The following NPAS3 variants were observed in gnomAD, a reference collection of about 807,000 sequenced individuals.
The protein encoded by NPAS3 is neuronal PAS domain protein 3, also known as neuronal PAS domain-containing protein 3.
In NPAS3, 14 loss-of-function variants were observed where a neutral mutation model predicts 73.1. That is an observed-to-expected ratio of 0.19 (90% CI 0.13 to 0.30). The LOEUF (loss-of-function observed/expected upper bound fraction) is 0.30, where lower values mean the gene tolerates loss of function less well. Ranked by LOEUF, NPAS3 falls within the 10% of genes least tolerant of loss-of-function variation. The pLI, the probability that NPAS3 is intolerant of heterozygous loss-of-function variation, is 1.00. For missense variants in NPAS3, 1,096 were observed against 1,250.0 expected, an observed-to-expected ratio of 0.88 and a Z score of 1.86; for synonymous variants, 620 against 541.5, an observed-to-expected ratio of 1.14 and a Z score of -2.01.
At chr14:33,087,150 A>G (rs1406743030) in intron 2 of NPAS3, among the ~76,000 whole-genome samples, 5 of 101,902 alleles carry the variant, frequency 4.9e-5, no homozygotes, top group Non-Finnish European at 9.4e-5. Context: ...ATAATATAGT[A>G]TACAATATAA....
Position 33,421,992 on chromosome 14 carries a change from C to A in NPAS3, c.468+54724C>A, listed in dbSNP as rs183437535. Among the ~76,000 whole-genome samples the A allele has an allele frequency of 2.4e-3, 358 of 151,928 alleles. 2 individuals carry two copies. Among genetic ancestry groups the A allele is most frequent in the Middle Eastern group, 6.8e-3 (2 of 294 alleles). ...AAATAGGGATGGGTTTTGTAGTTGG[C>A]TTTTCATTCTTGGCACTAATGCCAC... On this transcript the variant is annotated intron_variant, in intron 4 of 11. Coordinates refer to ENST00000356141, the Ensembl canonical transcript of NPAS3.
intron 1 of NPAS3, among the ~76,000 whole-genome samples, chr14:33,002,719 C>A (rs2038852763): frequency 6.6e-6 from 1 of 152,116 alleles, no homozygotes; most frequent in Non-Finnish European, 1.5e-5. Flanking sequence ...TTGATGGTAG[C>A]AAATTGGGAA....
At chr14:33,282,728 C>A (rs2041678543) in intron 3 of NPAS3, among the ~76,000 whole-genome samples, 1 of 152,074 alleles carries the variant, frequency 6.6e-6, no homozygotes, top group Non-Finnish European at 1.5e-5. Flanking sequence ...TGGAGCGGGA[C>A]TGAATAGGGG....
chr14:33,738,563 C>G (rs1270582249), intron 7 of NPAS3, among the ~76,000 whole-genome samples: 2 of 152,106 alleles, frequency 1.3e-5, no homozygotes, highest in African/African-American at 2.4e-5. Flanking sequence ...AGAATTCTAG[C>G]CAAGGAAATA....
chr14:33,269,604 G>C (rs1157989137), intron 3 of NPAS3, among the ~76,000 whole-genome samples: 1 of 152,108 alleles, frequency 6.6e-6, no homozygotes, highest in Non-Finnish European at 1.5e-5. Flanking sequence ...TAATTAGTTA[G>C]GGAAACAATG....
At chr14:33,215,095 GA>G in intron 2 of NPAS3, 86 bp from the exon 3 acceptor site, 5 of 1,397,636 alleles carry the variant, frequency 3.6e-6, no homozygotes, top group South Asian at 1.4e-5. Context: ...ATTTTGGTGG[GA>G]AAAAAGGAAA....
intron 4 of NPAS3, among the ~76,000 whole-genome samples, chr14:33,388,932 G>A (rs762957336): frequency 2.4e-4 from 36 of 152,082 alleles, no homozygotes; most frequent in Admixed American, 8.5e-4. Context: ...CTTCATACTT[G>A]ATAACTTCAC....
chr14:33,316,230 T>A (rs2043203214), intron 3 of NPAS3, among the ~76,000 whole-genome samples: 1 of 152,126 alleles, frequency 6.6e-6, no homozygotes. Context: ...AGTTCAAAGT[T>A]TGCATAACAG....
chr14:33,784,752 T>TA (rs59628991), intron 9 of NPAS3, among the ~76,000 whole-genome samples: 1,686 of 112,648 alleles, frequency 0.015, 73 homozygotes, highest in African/African-American at 0.059. Flanking sequence ...TTTATTTTTT[T>TA]TTTTTTTTTT....
chr14:33,419,710 G>A (rs1163687442), intron 4 of NPAS3, among the ~76,000 whole-genome samples: 1 of 151,846 alleles, frequency 6.6e-6, no homozygotes, highest in African/African-American at 2.4e-5. Context: ...GTTTCTATCT[G>A]ATAAGGAGCT....
At chr14:33,139,844 C>T (rs1008172807) in intron 2 of NPAS3, among the ~76,000 whole-genome samples, 1 of 152,154 alleles carries the variant, frequency 6.6e-6, no homozygotes, top group Non-Finnish European at 1.5e-5. Context: ...GAAAGTTCTA[C>T]TGGACAGAAC....
At chr14:33,515,525 A>G in intron 4 of NPAS3, among the ~76,000 whole-genome samples, 1 of 151,988 alleles carries the variant, frequency 6.6e-6, no homozygotes, top group Non-Finnish European at 1.5e-5. Flanking sequence ...AGCCATACCC[A>G]TTTGTGTAAG....
chr14:33,583,966 T>G (rs1459893805), intron 5 of NPAS3, among the ~76,000 whole-genome samples: 1 of 152,180 alleles, frequency 6.6e-6, no homozygotes, highest in African/African-American at 2.4e-5. Context: ...TGAATTTGGA[T>G]GAGGGAAAAT....
At chr14:33,407,297 C>A (rs1259734694) in intron 4 of NPAS3, among the ~76,000 whole-genome samples, 1 of 152,092 alleles carries the variant, frequency 6.6e-6, no homozygotes, top group African/African-American at 2.4e-5. Flanking sequence ...AGCCTCTTTT[C>A]CACCTCCACG....
At chr14:33,104,400 A>G (rs2042662404) in intron 2 of NPAS3, among the ~76,000 whole-genome samples, 1 of 152,198 alleles carries the variant, frequency 6.6e-6, no homozygotes, top group South Asian at 2.1e-4. Flanking sequence ...ATTTGTGATT[A>G]ATTCTGAGAA....
rs116284739 is a variant in NPAS3, at chr14:33,002,266, G to A, written c.51-53639G>A. 1.8e-3 allele frequency among the ~76,000 whole-genome samples: 281 copies of A among 152,272 alleles called. 1 individual carries two copies. Among genetic ancestry groups the A allele is most frequent in the African/African-American group, 6.5e-3 (272 of 41,550 alleles). On this transcript the variant is annotated intron_variant, in intron 1 of 11. Transcript: ENST00000356141. The stretch of plus-strand genomic sequence containing the variant: ...ATCTCATAATTTCCCACAGAGCCTA[G>A]CATGTAACTAGGCACACAATGATTA...
chr14:33,226,701 A>G (rs529019309), intron 3 of NPAS3, among the ~76,000 whole-genome samples: 1 of 152,210 alleles, frequency 6.6e-6, no homozygotes, highest in Non-Finnish European at 1.5e-5. Flanking sequence ...GAGTGCTCCA[A>G]GGGTGAATGC....
rs10142034 is a variant in NPAS3 at position 33,800,569 on chromosome 14, C to G, written c.2262C>G (p.Ser754=). 0.15 allele frequency: 198,925 copies of G among 1,304,742 alleles called. 16,434 individuals carry two copies. Among genetic ancestry groups the G allele is most frequent in the Non-Finnish European group, 0.17 (175,131 of 1,034,848 alleles). 80.8% of individuals were successfully genotyped at this position (1,304,742 alleles called of 1,614,324 possible). A position where few individuals can be genotyped will look rare whatever the true frequency, so the allele number is the denominator to read the frequency against. The stretch of plus-strand genomic sequence containing the variant: ...CGCTGTCACCCCCGCTCTCGGCGTC[C>G]CCGCGGGACAAGCACCCCGGGAACG... The change falls in exon 12 of 12, where the codon TCC becomes TCG. Residue 754 remains serine, a synonymous_variant. Transcript: ENST00000356141. The surrounding 1 kb of genome is among the most constrained non-coding windows in gnomAD (Gnocchi z 6.5).
At position 33,229,120 on chromosome 14, in the gene NPAS3, G is replaced by A. The variant is rs560561583; in HGVS notation, c.385+13694G>A. On this transcript the variant is annotated intron_variant, in intron 3 of 11. Transcript: ENST00000356141. ...TCCTCTCAGAAAAGTATTTTAAACA[G>A]GATACCCAATGCCATGTAGAACACA... Among the ~76,000 whole-genome samples, 277 of 152,198 alleles carry A rather than the reference G, an allele frequency of 1.8e-3. 1 individual carries two copies. The highest frequency in any genetic ancestry group is 6.4e-3 in the African/African-American group (265 of 41,528).
Sources: gnomAD v4.1 joint callset for allele counts (sites outside exome capture counted in the v4.1 genomes callset) on GRCh38, gnomAD v4.1.1 for gene constraint, Gnocchi (gnomAD v3.1) non-coding constraint, MANE v1.5 for transcripts, NCBI Gene and HGNC (gene_info 2026-07-23, HGNC 2026-07-21) for gene names.